Variants in NLGN1 observed in about 807,000 individuals in gnomAD.
NLGN1 encodes neuroligin-1.
In NLGN1, 12 loss-of-function variants were observed where a neutral mutation model predicts 65.5. That is an observed-to-expected ratio of 0.18 (90% CI 0.12 to 0.30). NLGN1 has a LOEUF of 0.30. NLGN1 is among the 10% of genes least tolerant of loss of function. The pLI is 1.00. For synonymous variants in NLGN1, 350 were observed against 359.5 expected, an observed-to-expected ratio of 0.97 and a Z score of 0.30; for missense variants, 750 against 1,007.1, an observed-to-expected ratio of 0.74 and a Z score of 3.46.
intron 2 of NLGN1, among the ~76,000 whole-genome samples, chr3:173,553,265 A>T (rs1214595012): frequency 1.3e-5 from 2 of 152,200 alleles, no homozygotes; most frequent in African/African-American, 4.8e-5. Flanking sequence ...AAAGGAAATT[A>T]TATTATTTAC....
chr3:173,767,738 C>G (rs771792183), intron 3 of NLGN1, among the ~76,000 whole-genome samples: 1 of 152,052 alleles, frequency 6.6e-6, no homozygotes, highest in Non-Finnish European at 1.5e-5. Context: ...TAGTAAAACA[C>G]ACATTTATTT....
chr3:173,620,490 G>T (rs1382469578), intron 3 of NLGN1, among the ~76,000 whole-genome samples: 1 of 152,062 alleles, frequency 6.6e-6, no homozygotes, highest in Non-Finnish European at 1.5e-5. Flanking sequence ...AGGGAAGACA[G>T]TGAGTTAGAA....
intron 3 of NLGN1, among the ~76,000 whole-genome samples, chr3:173,620,457 A>C (rs965812665): frequency 2.0e-5 from 3 of 152,026 alleles, no homozygotes; most frequent in Non-Finnish European, 4.4e-5. Flanking sequence ...TGGTTTCTTC[A>C]CTGGAACTCA....
chr3:174,125,679 T>C (rs181896633), intron 4 of NLGN1, among the ~76,000 whole-genome samples: 16 of 152,072 alleles, frequency 1.1e-4, no homozygotes, highest in African/African-American at 3.9e-4. Context: ...TACATGCACA[T>C]GTCATGGTTG....
chr3:174,102,163 A>ACTG (rs1712666021), intron 4 of NLGN1, among the ~76,000 whole-genome samples: 1 of 152,200 alleles, frequency 6.6e-6, no homozygotes, highest in Non-Finnish European at 1.5e-5. Context: ...TGACAAATGT[A>ACTG]CTGCTGAATG....
At chr3:173,966,261 C>A (rs1288149950) in intron 4 of NLGN1, among the ~76,000 whole-genome samples, 1 of 152,164 alleles carries the variant, frequency 6.6e-6, no homozygotes, top group Admixed American at 6.5e-5. Flanking sequence ...CTTACTTCAG[C>A]ACACTCCTCT....
At chr3:173,702,255 A>G (rs997008759) in intron 3 of NLGN1, among the ~76,000 whole-genome samples, 2 of 144,048 alleles carry the variant, frequency 1.4e-5, no homozygotes, top group East Asian at 2.0e-4. Context: ...AAAAAAAAAA[A>G]GAAGAGTTTT....
chr3:174,153,662 CT>C (rs981787145), intron 4 of NLGN1, among the ~76,000 whole-genome samples: 15 of 152,102 alleles, frequency 9.9e-5, no homozygotes, highest in African/African-American at 3.4e-4. Context: ...TATAGTATAA[CT>C]TTTTTTCAAA....
intron 3 of NLGN1, among the ~76,000 whole-genome samples, chr3:173,722,999 C>G (rs932997786): frequency 1.7e-4 from 26 of 152,192 alleles, no homozygotes; most frequent in African/African-American, 6.3e-4. Flanking sequence ...GACGGTTAAA[C>G]AGAGACCTGA....
At chr3:174,143,822 A>G (rs927373218) in intron 4 of NLGN1, among the ~76,000 whole-genome samples, 5 of 152,216 alleles carry the variant, frequency 3.3e-5, no homozygotes, top group African/African-American at 1.2e-4. Flanking sequence ...ACATCTATGA[A>G]GCTGAATAAT....
chr3:174,221,360 C>T (rs1233829272), intron 4 of NLGN1, among the ~76,000 whole-genome samples: 1 of 152,042 alleles, frequency 6.6e-6, no homozygotes, highest in Non-Finnish European at 1.5e-5. Context: ...AGCACTTTGC[C>T]AGCTTCTACT....
intron 3 of NLGN1, among the ~76,000 whole-genome samples, chr3:173,752,883 G>C (rs1056453264): frequency 6.6e-5 from 10 of 151,940 alleles, no homozygotes; most frequent in Non-Finnish European, 1.3e-4. Flanking sequence ...CCAATTCAGT[G>C]AAAACATAGA....
intron 4 of NLGN1, among the ~76,000 whole-genome samples, chr3:173,905,541 GAA>G (rs1217661015): frequency 1.3e-5 from 2 of 152,164 alleles, no homozygotes; most frequent in African/African-American, 4.8e-5. Context: ...CTTTAAGAGA[GAA>G]GAGAGACCTC....
In NLGN1 at chr3:173,451,402, C is replaced by T. The variant is rs185922028; in HGVS notation, c.-321+16324C>T. Among the ~76,000 whole-genome samples the T allele has an allele frequency of 1.4e-4, 22 of 152,250 alleles. No individual in the cohort carries two copies. In the East Asian group the frequency reaches 4.3e-3, roughly 30 times the overall value. ...TATTGGTGAACCGCAAATGCTGCTG[C>T]CTGATCGTTCCTCTGGAAGTTTTGT... On this transcript the variant is annotated intron_variant, in intron 2 of 6. Transcript: ENST00000457714.
intron 2 of NLGN1, chr3:173,584,550 A>G (rs1747002919): frequency 6.6e-6 from 1 of 151,758 alleles, no homozygotes; most frequent in Non-Finnish European, 1.5e-5. Context: ...GGACATCAGC[A>G]CCGGGAATTC....
chr3:173,669,511 C>T (rs1340656425), intron 3 of NLGN1, among the ~76,000 whole-genome samples: 1 of 152,152 alleles, frequency 6.6e-6, no homozygotes, highest in African/African-American at 2.4e-5. Context: ...ACTGTCTCTC[C>T]ACTTGGCTTT....
At chr3:173,698,285 A>G (rs1766541472) in intron 3 of NLGN1, among the ~76,000 whole-genome samples, 1 of 152,228 alleles carries the variant, frequency 6.6e-6, no homozygotes, top group Non-Finnish European at 1.5e-5. Context: ...AAAGAAGGGC[A>G]TCACGTTGCA....
At chr3:174,007,770 T>A (rs1455011836) in intron 4 of NLGN1, among the ~76,000 whole-genome samples, 3 of 152,224 alleles carry the variant, frequency 2.0e-5, no homozygotes, top group Non-Finnish European at 4.4e-5. Flanking sequence ...TCATGTTTTA[T>A]CACAGTGCAT....
intron 4 of NLGN1, among the ~76,000 whole-genome samples, chr3:174,206,677 T>C (rs188543037): frequency 2.0e-5 from 3 of 152,312 alleles, no homozygotes; most frequent in African/African-American, 7.2e-5. Context: ...TGATAAGTTC[T>C]TCTTTGATGA....
Sources: gnomAD v4.1 joint callset for allele counts (sites outside exome capture counted in the v4.1 genomes callset) on GRCh38, gnomAD v4.1.1 for gene constraint, MANE v1.5 for transcripts, NCBI Gene and HGNC (gene_info 2026-07-23, HGNC 2026-07-21) for gene names.